AKR1B15: variants seen among roughly 807,000 people sequenced by gnomAD.
The protein encoded by AKR1B15 is estradiol 17-beta-dehydrogenase AKR1B15.
In AKR1B15, 49 loss-of-function variants were observed where a neutral mutation model predicts 38.5. That is an observed-to-expected ratio of 1.27 (90% CI 1.01 to 1.62). The LOEUF is 1.62. AKR1B15 is among the 40% of genes most tolerant of loss of function. The pLI is 0.00. For synonymous variants in AKR1B15, 137 were observed against 135.5 expected (o/e 1.01, Z -0.08); for missense variants, 411 against 381.6 (o/e 1.08, Z -0.64).
intron 6 of AKR1B15, among the ~76,000 whole-genome samples, chr7:134,573,128 A>G (rs1260865509): frequency 1.3e-5 from 2 of 152,182 alleles, no homozygotes; most frequent in African/African-American, 4.8e-5. Flanking sequence ...TCTACCAAGT[A>G]AAAACCATTC....
chr7:134,566,018 G>T (rs932601759), intron 3 of AKR1B15, among the ~76,000 whole-genome samples: 4 of 152,200 alleles, frequency 2.6e-5, no homozygotes, highest in Non-Finnish European at 5.9e-5. Context: ...AACTGGCTGG[G>T]TGTGGTGGCT....
At chr7:134,554,319 C>A (rs1403289489) in intron 1 of AKR1B15, among the ~76,000 whole-genome samples, 1 of 152,126 alleles carries the variant, frequency 6.6e-6, no homozygotes, top group Non-Finnish European at 1.5e-5. Context: ...ACTGACTGGG[C>A]AGACTACCCA....
intron 2 of AKR1B15, among the ~76,000 whole-genome samples, chr7:134,560,334 G>A (rs948952719): frequency 1.6e-4 from 25 of 152,040 alleles, no homozygotes; most frequent in Non-Finnish European, 3.2e-4. Context: ...CATAAAGAGG[G>A]TCCCTGTCTT....
Position 134,568,174 on chromosome 7 carries a change from T to C in AKR1B15, c.167T>C (p.Val56Ala), listed in dbSNP as rs369033836. ...GCTTTTCAGTCTCTTCTCGGCAAAG[T>C]GAAAGAAGCGGTGAAGGTGGCCATT... ...RPYPASLLGK[V>A]KEAVKVAIDA... is the part of the protein sequence containing the mutation. The change falls in exon 4 of 12, where the codon GTG (valine) becomes GCG (alanine). Residue 56 changes from valine to alanine, a missense_variant. Physicochemically the swap from Val to Ala is moderately conservative, Grantham distance 64. This residue lies in a region of AKR1B15 where 254 missense variants were observed against 212.4 expected (regional missense o/e 1.20). Coordinates refer to ENST00000457545, the MANE Select transcript of AKR1B15 (RefSeq NM_001080538.3). 4.5e-5 allele frequency: 72 copies of C among 1,613,908 alleles called. No homozygotes were observed. In the African/African-American group the frequency reaches 8.4e-4, roughly 19 times the overall value.
At chr7:134,556,271 G>A (rs1055299068) in intron 1 of AKR1B15, among the ~76,000 whole-genome samples, 10 of 152,102 alleles carry the variant, frequency 6.6e-5, no homozygotes, top group Middle Eastern at 6.8e-3. Context: ...AACCCAGCCC[G>A]ATGTCCATTT....
intron 6 of AKR1B15, among the ~76,000 whole-genome samples, chr7:134,573,735 G>A (rs1794709094): frequency 6.6e-6 from 1 of 152,166 alleles, no homozygotes; most frequent in African/African-American, 2.4e-5. Context: ...TGATTTCATA[G>A]CTTCCAAACT....
rs10252402 is a variant in AKR1B15, at chr7:134,564,560, T to C, written c.-22-38T>C. The C allele has an allele frequency of 6.9e-3, 4,545 of 663,330 alleles. 156 individuals are homozygous for C. The African/African-American group carries it at 0.072, about 10-fold the overall frequency. The allele number at this position is 663,330 out of a possible 1,614,324, so 41.1% of individuals were successfully genotyped here. ...CTTGCTATTACTCACCTTTGGGCCC[T>C]GTATTTTTAACCTCCTTGTCAAATT... is the stretch of plus-strand genomic sequence containing the variant. On this transcript the variant is annotated intron_variant, in intron 2 of 11. Transcript: ENST00000457545.
At chr7:134,565,493 G>T (rs770856529) in intron 3 of AKR1B15, 1 of 1,613,720 alleles carries the variant, frequency 6.2e-7, no homozygotes, top group Non-Finnish European at 8.5e-7. Flanking sequence ...GGCCACGTTT[G>T]TGGAGCTCAG....
intron 1 of AKR1B15, among the ~76,000 whole-genome samples, chr7:134,555,820 G>A (rs947626322): frequency 2.6e-5 from 4 of 152,278 alleles, no homozygotes; most frequent in African/African-American, 4.8e-5. Flanking sequence ...GCTCCAGAGC[G>A]TTGACTTTTA....
rs1478679010 is a variant in AKR1B15, at chr7:134,570,298, A to G, written c.435+769A>G. 7 of 152,276 alleles carry G rather than the reference A, an allele frequency of 4.6e-5. No individual in the cohort carries two copies. In the East Asian group the frequency reaches 1.4e-3, roughly 29 times the overall value. The allele number at this position is 152,276 out of a possible 1,614,324, so 9.4% of individuals were successfully genotyped here. On this transcript the variant is annotated intron_variant, in intron 5 of 11. Coordinates refer to ENST00000457545, the MANE Select transcript of AKR1B15 (RefSeq NM_001080538.3). Reference sequence around the variant, plus strand: ...GATAAGACGTTATCAATGACAATGCATGCCCGAAACTTCATTAGCAATTTT... The same window carrying G: ...GATAAGACGTTATCAATGACAATGCGTGCCCGAAACTTCATTAGCAATTTT...
At chr7:134,570,205 A>T (rs1794639850) in intron 5 of AKR1B15, 1 of 152,198 alleles carries the variant, frequency 6.6e-6, no homozygotes, top group Non-Finnish European at 1.5e-5. Context: ...CAGGCTTATT[A>T]GGACGAGGAA....
intron 6 of AKR1B15, chr7:134,573,451 A>G (rs552174024): frequency 3.0e-6 from 3 of 985,274 alleles, no homozygotes; most frequent in Non-Finnish European, 3.6e-6. Context: ...CATGAGGATG[A>G]CTGCTAAAGA....
intron 3 of AKR1B15, among the ~76,000 whole-genome samples, chr7:134,567,557 T>A (rs1794567422): frequency 6.6e-6 from 1 of 152,206 alleles, no homozygotes; most frequent in Non-Finnish European, 1.5e-5. Flanking sequence ...GCTATTTTTT[T>A]TTCCATTTTG....
At position 134,576,943 on chromosome 7, in the gene AKR1B15, G is replaced by A. The variant is rs779964463; in HGVS notation, c.826-20G>A. 1.3e-5 allele frequency: 21 copies of A among 1,605,418 alleles called. No individual in the cohort carries two copies. The Middle Eastern group carries it at 6.6e-4, about 50-fold the overall frequency. ...GGTCCTTGTAGCTGAGTGGAAACAT[G>A]ATGTCCCCTTTCTGCACAGGTTCTG... On this transcript the variant is annotated intron_variant, in intron 9 of 11. Transcript: ENST00000457545.
At chr7:134,563,139 A>AG (rs1453144710) in intron 2 of AKR1B15, among the ~76,000 whole-genome samples, 1 of 152,026 alleles carries the variant, frequency 6.6e-6, no homozygotes, top group Non-Finnish European at 1.5e-5. Context: ...ACTTTGCAAA[A>AG]GGTTGTCATG....
chr7:134,578,235 G>A (rs1351592040), intron 11 of AKR1B15, among the ~76,000 whole-genome samples: 1 of 152,206 alleles, frequency 6.6e-6, no homozygotes, highest in African/African-American at 2.4e-5. Flanking sequence ...AGACAGAAAA[G>A]TAAAGTAGGG....
At chr7:134,561,431 A>C (rs1794388014) in intron 2 of AKR1B15, among the ~76,000 whole-genome samples, 2 of 152,292 alleles carry the variant, frequency 1.3e-5, no homozygotes, top group South Asian at 4.2e-4. Context: ...AGTTTCAAAC[A>C]CTTGAGCTCA....
chr7:134,575,378 G>T (rs376060073), intron 6 of AKR1B15, 42 bp from the exon 7 acceptor site: 46 of 1,602,176 alleles, frequency 2.9e-5, no homozygotes, highest in Admixed American at 1.7e-4. Flanking sequence ...GGTCCCTGTA[G>T]TCCCTCTAGA....
At chr7:134,568,394 A>G in intron 4 of AKR1B15, 69 bp downstream of exon 4, 3 of 1,588,352 alleles carry the variant, frequency 1.9e-6, no homozygotes, top group South Asian at 2.3e-5. Context: ...TCGGGTGGGC[A>G]GCAAGAACTC....
Sources: allele counts gnomAD v4.1 joint callset (sites outside exome capture counted in the v4.1 genomes callset), GRCh38; gene constraint gnomAD v4.1.1; regional missense constraint gnomAD v4.1.1; transcripts MANE v1.5; gene names NCBI Gene and HGNC (gene_info 2026-07-23, HGNC 2026-07-21).